LY6S: variants seen among roughly 807,000 people sequenced by gnomAD.
LY6S encodes lymphocyte antigen 6 family member S.
the LY6S span, among the ~76,000 whole-genome samples, chr8:143,047,369 T>C: frequency 3.3e-5 from 5 of 151,952 alleles, no homozygotes; most frequent in African/African-American, 1.2e-4. Context: ...CTCAAACTCC[T>C]GAGCTCAGGT....
chr8:143,065,560 A>AT, the LY6S span, among the ~76,000 whole-genome samples: 184 of 145,908 alleles, frequency 1.3e-3, 1 homozygote, highest in East Asian at 3.8e-3. Context: ...GCAATAGAAT[A>AT]TTTTTTTTTT....
the LY6S span, among the ~76,000 whole-genome samples, chr8:143,073,291 CGTCCCCGGGGCTCCTGTTCG>C: frequency 4.7e-4 from 70 of 148,450 alleles, 7 homozygotes; most frequent in Non-Finnish European, 8.9e-4. Context: ...AGACAGCCGT[CGTCCCCGGGGCTCCTGTTCG>C]AGGAGACAGC....
chr8:143,064,298 C>T, the LY6S span, among the ~76,000 whole-genome samples: 10 of 152,320 alleles, frequency 6.6e-5, no homozygotes, highest in East Asian at 1.9e-4. Flanking sequence ...AGTTGCATTT[C>T]GCCCTTCCAC....
chr8:143,060,925 A>C, the LY6S span, among the ~76,000 whole-genome samples: 1 of 152,252 alleles, frequency 6.6e-6, no homozygotes, highest in Non-Finnish European at 1.5e-5. Flanking sequence ...TAACAAAAGA[A>C]AATACGAGAA....
At chr8:143,052,573 C>A in the LY6S span, among the ~76,000 whole-genome samples, 2 of 152,132 alleles carry the variant, frequency 1.3e-5, no homozygotes, top group Admixed American at 6.6e-5. Flanking sequence ...ACACCTTTAC[C>A]GGTTGGGTGG....
chr8:143,063,828 G>A, the LY6S span, among the ~76,000 whole-genome samples: 1 of 152,198 alleles, frequency 6.6e-6, no homozygotes, highest in South Asian at 2.1e-4. Context: ...TTCTGTTCCA[G>A]TAACACCTGC....
chr8:143,047,268 T>C, the LY6S span, among the ~76,000 whole-genome samples: 2 of 151,264 alleles, frequency 1.3e-5, no homozygotes, highest in African/African-American at 2.4e-5. Flanking sequence ...GCCTCCGGAG[T>C]AGCTGGGATT....
the LY6S span, among the ~76,000 whole-genome samples, chr8:143,071,752 T>G: frequency 6.6e-6 from 1 of 152,180 alleles, no homozygotes; most frequent in Non-Finnish European, 1.5e-5. Context: ...GGAGGACGTC[T>G]GTGAGGTTCC....
the LY6S span, among the ~76,000 whole-genome samples, chr8:143,049,530 A>G: frequency 3.3e-5 from 5 of 152,212 alleles, no homozygotes; most frequent in Non-Finnish European, 1.5e-5. Context: ...CCAGTAAGCC[A>G]GAAAGCCCCC....
the LY6S span, among the ~76,000 whole-genome samples, chr8:143,046,122 C>T: frequency 1.3e-5 from 2 of 152,056 alleles, no homozygotes; most frequent in Non-Finnish European, 2.9e-5. Flanking sequence ...CAAAGTGCTA[C>T]GATTACAAGT....
At chr8:143,070,391 T>A in the LY6S span, among the ~76,000 whole-genome samples, 3 of 129,328 alleles carry the variant, frequency 2.3e-5, no homozygotes, top group African/African-American at 9.3e-5. Flanking sequence ...ATATATATAT[T>A]TATATATATT....
At chr8:143,063,867 G>A in the LY6S span, among the ~76,000 whole-genome samples, 7 of 152,284 alleles carry the variant, frequency 4.6e-5, no homozygotes, top group South Asian at 4.1e-4. Flanking sequence ...ATCATGATGC[G>A]CTGTCCCCAA....
At chr8:143,075,092 C>T in the LY6S span, among the ~76,000 whole-genome samples, 29,109 of 152,118 alleles carry the variant, frequency 0.19, 3,647 homozygotes, top group East Asian at 0.34. This position sits in a 1 kb window ranked among gnomAD's most constrained non-coding sequence, Gnocchi z 4.1. Flanking sequence ...AGTTATTTGT[C>T]ATTATGACTC....
At chr8:143,042,487 A>G in the LY6S span, 6 of 155,156 alleles carry the variant, frequency 3.9e-5, no homozygotes, top group African/African-American at 1.4e-4. Context: ...CTGGGGGGGC[A>G]CCCGTGCCCC....
the LY6S span, among the ~76,000 whole-genome samples, chr8:143,070,475 A>ATATATAATATATATAT: frequency 4.5e-5 from 2 of 44,538 alleles, no homozygotes; most frequent in African/African-American, 8.6e-5. Flanking sequence ...ATATATATAT[A>ATATATAATATATATAT]AATATATATA....
chr8:143,076,077 C>T, the LY6S span, among the ~76,000 whole-genome samples: 1 of 152,228 alleles, frequency 6.6e-6, no homozygotes, highest in African/African-American at 2.4e-5. Flanking sequence ...ATGAAAGTAC[C>T]GGACTCTCTG....
chr8:143,073,768 G>C, the LY6S span, among the ~76,000 whole-genome samples: 2 of 105,180 alleles, frequency 1.9e-5, no homozygotes, highest in African/African-American at 8.9e-5. Flanking sequence ...GACAGCCATC[G>C]TCCCCGGGGT....
chr8:143,048,202 C>T, the LY6S span, among the ~76,000 whole-genome samples: 1 of 152,164 alleles, frequency 6.6e-6, no homozygotes, highest in Non-Finnish European at 1.5e-5. Flanking sequence ...CAGTCAAGCT[C>T]CGGGGAAGGT....
the LY6S span, among the ~76,000 whole-genome samples, chr8:143,046,191 C>T: frequency 1.3e-5 from 2 of 152,148 alleles, no homozygotes; most frequent in Non-Finnish European, 2.9e-5. Flanking sequence ...GCAGGTGGGC[C>T]TGGTGGCTCA....
Sources: allele counts gnomAD v4.1 joint callset (sites outside exome capture counted in the v4.1 genomes callset), GRCh38; gene constraint gnomAD v4.1.1; non-coding constraint Gnocchi (gnomAD v3.1); transcripts MANE v1.5; gene names NCBI Gene and HGNC (gene_info 2026-07-23, HGNC 2026-07-21).